SPATA17: variants seen among roughly 807,000 people sequenced by gnomAD.
SPATA17 encodes spermatogenesis-associated protein 17.
A neutral mutation model predicts 62.2 loss-of-function variants in SPATA17; 53 were observed. That is an observed-to-expected ratio of 0.85 (90% confidence interval 0.68 to 1.07). The LOEUF (loss-of-function observed/expected upper bound fraction) is 1.07. Ranked by LOEUF, SPATA17 falls within the 50% of genes least tolerant of loss-of-function variation. The pLI, the probability that SPATA17 is intolerant of heterozygous loss-of-function variation, is 0.00. For missense variants in SPATA17, 466 were observed against 425.5 expected (o/e 1.10, Z -0.84); for synonymous variants, 146 against 146.8 (o/e 0.99, Z 0.04).
At chr1:217,830,354 A>G (rs1028181083) in intron 9 of SPATA17, among the ~76,000 whole-genome samples, 18 of 152,118 alleles carry the variant, frequency 1.2e-4, no homozygotes, top group African/African-American at 4.3e-4. Flanking sequence ...TAAATTTTGC[A>G]TTGCTTGATC....
chr1:217,723,155 G>A (rs61825780), intron 5 of SPATA17, among the ~76,000 whole-genome samples: 13 of 152,038 alleles, frequency 8.6e-5, no homozygotes, highest in East Asian at 1.9e-4. Flanking sequence ...TTGAGTTACC[G>A]TTTATAGTGT....
At chr1:217,724,974 T>G (rs945598502) in intron 5 of SPATA17, among the ~76,000 whole-genome samples, 2 of 152,196 alleles carry the variant, frequency 1.3e-5, no homozygotes, top group Non-Finnish European at 2.9e-5. Flanking sequence ...TGAAACATGT[T>G]GGCCTTTCAG....
chr1:217,831,292 A>G (rs1675133466), intron 9 of SPATA17, among the ~76,000 whole-genome samples: 1 of 152,086 alleles, frequency 6.6e-6, no homozygotes, highest in Non-Finnish European at 1.5e-5. Flanking sequence ...TGTAAGCAGC[A>G]TTAGAGAAAA....
At chr1:217,864,938 C>T (rs1315840430) in intron 10 of SPATA17, among the ~76,000 whole-genome samples, 1 of 151,734 alleles carries the variant, frequency 6.6e-6, no homozygotes, top group East Asian at 1.9e-4. Context: ...TGCAAAGGCT[C>T]AAATATGTTA....
intron 5 of SPATA17, among the ~76,000 whole-genome samples, chr1:217,711,697 T>C (rs1174712173): frequency 1.3e-5 from 2 of 152,212 alleles, no homozygotes; most frequent in Non-Finnish European, 2.9e-5. Flanking sequence ...AATTAAGAGC[T>C]AGTACTTATA....
chr1:217,833,724 A>C (rs1675198422), intron 9 of SPATA17, among the ~76,000 whole-genome samples: 1 of 152,190 alleles, frequency 6.6e-6, no homozygotes, highest in African/African-American at 2.4e-5. Flanking sequence ...TCAAATTAAT[A>C]GATAGATTTT....
intron 7 of SPATA17, among the ~76,000 whole-genome samples, chr1:217,778,524 A>T (rs771744704): frequency 1.3e-5 from 2 of 152,136 alleles, no homozygotes; most frequent in South Asian, 2.1e-4. Context: ...CCATCCCAAA[A>T]AATAATAATA....
intron 3 of SPATA17, among the ~76,000 whole-genome samples, chr1:217,654,508 G>A (rs2102886282): frequency 6.6e-6 from 1 of 152,144 alleles, no homozygotes; most frequent in Admixed American, 6.5e-5. Context: ...AAAAATTTCA[G>A]ATTTACAGAA....
At chr1:217,701,818 C>A (rs190783379) in intron 5 of SPATA17, among the ~76,000 whole-genome samples, 31 of 152,154 alleles carry the variant, frequency 2.0e-4, no homozygotes, top group Admixed American at 1.8e-3. Context: ...ATCTTGGTCA[C>A]TTTTCTTAAA....
intron 5 of SPATA17, among the ~76,000 whole-genome samples, chr1:217,714,481 C>T (rs1156800825): frequency 7.6e-5 from 10 of 131,440 alleles, no homozygotes; most frequent in African/African-American, 3.1e-4. Context: ...ACGTGGAAAA[C>T]GTGTTTCTTT....
At chr1:217,836,932 A>C (rs1675274363) in intron 9 of SPATA17, among the ~76,000 whole-genome samples, 1 of 152,162 alleles carries the variant, frequency 6.6e-6, no homozygotes, top group African/African-American at 2.4e-5. Flanking sequence ...AATTTTGAAA[A>C]TTATGTATGA....
chr1:217,763,508 G>A (rs1174676405), intron 6 of SPATA17, among the ~76,000 whole-genome samples: 4 of 152,168 alleles, frequency 2.6e-5, no homozygotes, highest in Non-Finnish European at 5.9e-5. Flanking sequence ...TGGCTAAAAT[G>A]AGGTTGGAAC....
chr1:217,821,685 AT>A (rs201162659), intron 9 of SPATA17, among the ~76,000 whole-genome samples: 4,821 of 152,146 alleles, frequency 0.032, 112 homozygotes, highest in Middle Eastern at 0.065. Flanking sequence ...TGTATCTTTT[AT>A]TTTTTAAGAT....
At chr1:217,736,016 T>C (rs1412536074) in intron 5 of SPATA17, among the ~76,000 whole-genome samples, 1 of 151,806 alleles carries the variant, frequency 6.6e-6, no homozygotes, top group Non-Finnish European at 1.5e-5. Context: ...AATATAATTT[T>C]GAGCAGAGTG....
chr1:217,761,928 G>C (rs1013291464), intron 6 of SPATA17, among the ~76,000 whole-genome samples: 2 of 152,126 alleles, frequency 1.3e-5, no homozygotes, highest in African/African-American at 4.8e-5. Context: ...ACAATCTGCT[G>C]CTGCAGAGGT....
At chr1:217,767,872 C>T (rs547821782) in intron 6 of SPATA17, among the ~76,000 whole-genome samples, 2 of 152,244 alleles carry the variant, frequency 1.3e-5, no homozygotes, top group South Asian at 2.1e-4. Flanking sequence ...CTTTAACTGC[C>T]TGTGTTTCCA....
rs189373214 is a variant in SPATA17, at chr1:217,729,468, A to T, written c.396-12507A>T. ...AATGATAGCATTTTAGCTTTATCTA[A>T]TTTTATGTTGATGACAGGTTCTTTT... On this transcript the variant is annotated intron_variant, in intron 5 of 10. Transcript: ENST00000366933. Among the ~76,000 whole-genome samples the T allele has an allele frequency of 3.9e-5, 6 of 152,332 alleles. No homozygotes were observed. The East Asian group carries it at 1.2e-3, about 29-fold the overall frequency.
chr1:217,729,984 A>T (rs940152142), intron 5 of SPATA17, among the ~76,000 whole-genome samples: 2 of 152,218 alleles, frequency 1.3e-5, no homozygotes, highest in African/African-American at 4.8e-5. Context: ...AATTTCAAGC[A>T]GTTTACAAAG....
intron 9 of SPATA17, among the ~76,000 whole-genome samples, chr1:217,811,751 ATAGT>A (rs1003881269): frequency 5.9e-5 from 9 of 152,128 alleles, no homozygotes; most frequent in Non-Finnish European, 1.2e-4. Context: ...TGTACAATAC[ATAGT>A]TAGTCATTTT....
Sources: gnomAD v4.1 joint callset for allele counts (sites outside exome capture counted in the v4.1 genomes callset) on GRCh38, gnomAD v4.1.1 for gene constraint, MANE v1.5 for transcripts, NCBI Gene and HGNC (gene_info 2026-07-23, HGNC 2026-07-21) for gene names.